Variants in FAM178B observed in about 807,000 individuals in gnomAD.
FAM178B encodes the protein family with sequence similarity 178 member B.
In FAM178B, 82 loss-of-function variants were observed where a neutral mutation model predicts 91.7. The ratio of observed to expected loss-of-function variants is 0.89; its 90% CI spans 0.75 to 1.07. FAM178B has a LOEUF of 1.07. FAM178B is among the 50% of genes least tolerant of loss of function. The pLI is 0.00. For missense variants in FAM178B, 769 were observed against 846.7 expected (o/e 0.91, Z 1.14); for synonymous variants, 368 against 359.4 (o/e 1.02, Z -0.27).
Position 96,929,209 on chromosome 2 carries a change from C to A in FAM178B, c.1190G>T (p.Gly397Val), listed in dbSNP as rs1157976761. Residue 397 changes from glycine (G) to valine (V), a missense_variant, in exon 9 of 17, where the codon GGC becomes GTC. Gly to Val is a moderately radical substitution (Grantham distance 109). Coordinates refer to ENST00000490605, the MANE Select transcript of FAM178B (RefSeq NM_001122646.3). ...LYPLGPFWHG[G>V]RVLPGEAGLN... ...GTGAGGAAGCAGAAGTACTCACCTGCCACCGTGCCAAAAGGGCCCCAGAGG... is the reference window on the plus strand; with the variant it reads ...GTGAGGAAGCAGAAGTACTCACCTGACACCGTGCCAAAAGGGCCCCAGAGG... 2 of 1,548,950 alleles carry A rather than the reference C, an allele frequency of 1.3e-6. No homozygotes were observed. The highest frequency in any genetic ancestry group is 2.7e-5 in the African/African-American group (2 of 72,968).
intron 7 of FAM178B, chr2:96,949,930 A>G (rs2081896164): frequency 1.0e-6 from 1 of 962,386 alleles, no homozygotes. Flanking sequence ...ACCTGTCTGT[A>G]GCGACACAGG....
chr2:96,879,456 G>A (rs2080326335), intron 14 of FAM178B, among the ~76,000 whole-genome samples: 1 of 152,248 alleles, frequency 6.6e-6, no homozygotes, highest in African/African-American at 2.4e-5. Context: ...CAGTGCCCCA[G>A]CAATGGCTGC....
chr2:96,913,675 G>C (rs1349249989), intron 12 of FAM178B, among the ~76,000 whole-genome samples: 1 of 152,238 alleles, frequency 6.6e-6, no homozygotes, highest in Non-Finnish European at 1.5e-5. Context: ...TGGCCACACA[G>C]AACCTGCTTG....
chr2:96,926,872 G>C (rs1332229257), intron 9 of FAM178B, among the ~76,000 whole-genome samples: 1 of 152,224 alleles, frequency 6.6e-6, no homozygotes, highest in Non-Finnish European at 1.5e-5. Flanking sequence ...ACAGATGTCT[G>C]AGGCCCTCAT....
chr2:96,914,163 G>A (rs762152394), intron 12 of FAM178B, among the ~76,000 whole-genome samples: 9 of 152,254 alleles, frequency 5.9e-5, no homozygotes, highest in Non-Finnish European at 1.3e-4. Flanking sequence ...CATGGGGAGG[G>A]CTGGTCATAG....
intron 14 of FAM178B, among the ~76,000 whole-genome samples, chr2:96,886,910 T>A (rs2153367873): frequency 1.3e-5 from 2 of 152,182 alleles, no homozygotes; most frequent in South Asian, 4.1e-4. Flanking sequence ...CAAACCTGGC[T>A]CATTTTTAAA....
At chr2:96,906,948 C>A (rs924088946) in intron 12 of FAM178B, among the ~76,000 whole-genome samples, 2 of 152,178 alleles carry the variant, frequency 1.3e-5, no homozygotes, top group African/African-American at 4.8e-5. Context: ...TTACTCACAG[C>A]GGGCGAGGAG....
rs1395142099 is a variant in FAM178B, at chr2:96,921,562, G to A, written c.1380C>T (p.Asp460=). The A allele has an allele frequency of 2.2e-5, 34 of 1,551,604 alleles. No homozygotes were observed. The highest frequency in any genetic ancestry group is 2.2e-5 in the Non-Finnish European group (25 of 1,147,008). Residue 460 remains aspartate, a synonymous_variant, in exon 11 of 17, where the codon GAC becomes GAT. Coordinates refer to ENST00000490605, the MANE Select transcript of FAM178B (RefSeq NM_001122646.3). The part of the protein sequence containing the change: ...LIELLCRTSL[D]VGLRLLPKVD... Reference sequence around the variant, plus strand: ...CTTTGGGCAGCAGGCGGAGCCCCACGTCCAGGCTGGTGCGGCACAGCAGCT... The same window carrying A: ...CTTTGGGCAGCAGGCGGAGCCCCACATCCAGGCTGGTGCGGCACAGCAGCT...
Position 96,942,402 on chromosome 2 carries a change from A to G in FAM178B, c.1078+5416T>C, listed in dbSNP as rs571475323. Among the ~76,000 whole-genome samples, 20 of 152,024 alleles carry G rather than the reference A, an allele frequency of 1.3e-4. 1 individual carries two copies. The South Asian group carries it at 4.2e-3, about 32-fold the overall frequency. On this transcript the variant is annotated intron_variant, in intron 8 of 16. Coordinates refer to ENST00000490605, the MANE Select transcript of FAM178B (RefSeq NM_001122646.3). ...GAAAGGACCCCAAACAGCCAAAACAATTTTTTTTCAGACGGAGTCTCGCTC... is the reference window on the plus strand; with the variant it reads ...GAAAGGACCCCAAACAGCCAAAACAGTTTTTTTTCAGACGGAGTCTCGCTC...
chr2:96,878,279 G>A (rs62152871), intron 15 of FAM178B, 137 bp downstream of exon 15: 80,860 of 901,268 alleles, frequency 0.09, 3,912 homozygotes, highest in Middle Eastern at 0.15. Flanking sequence ...GCTCTCCCAC[G>A]CTGGCTTCCC....
intron 2 of FAM178B, 75 bp from the exon 3 acceptor site, chr2:96,972,397 G>C: frequency 6.8e-7 from 1 of 1,480,344 alleles, no homozygotes. Context: ...CACTGGGTAA[G>C]GAGAGCAGCA....
At chr2:96,923,980 G>C (rs2081390939) in intron 9 of FAM178B, among the ~76,000 whole-genome samples, 1 of 152,254 alleles carries the variant, frequency 6.6e-6, no homozygotes, top group Non-Finnish European at 1.5e-5. Context: ...GCCCAAGACA[G>C]AGCCACAACC....
intron 8 of FAM178B, among the ~76,000 whole-genome samples, chr2:96,940,284 T>G (rs183237350): frequency 6.6e-6 from 1 of 152,056 alleles, no homozygotes; most frequent in African/African-American, 2.4e-5. Context: ...TCCACACATA[T>G]GGGCAGCTGC....
chr2:96,967,229 T>C (rs1458250228), intron 5 of FAM178B, among the ~76,000 whole-genome samples: 10 of 49,502 alleles, frequency 2.0e-4, no homozygotes, highest in African/African-American at 7.4e-4. Context: ...GTGTAGTTAT[T>C]TTCCCGAGAT....
Position 96,953,805 on chromosome 2 carries a change from C to A in FAM178B, c.888-2321G>T, listed in dbSNP as rs113060722. On this transcript the variant is annotated intron_variant, in intron 6 of 16. Coordinates refer to ENST00000490605, the MANE Select transcript of FAM178B (RefSeq NM_001122646.3). ...TGGCTCAGCCACAAGCCCTTCCACG[C>A]CCTTCAGGTTATCACAGGGTGACCT... Among the ~76,000 whole-genome samples the A allele has an allele frequency of 3.3e-5, 5 of 152,302 alleles. No individual in the cohort carries two copies. The South Asian group carries it at 1.0e-3, about 32-fold the overall frequency.
chr2:96,899,761 C>A (rs1417798075), intron 13 of FAM178B, among the ~76,000 whole-genome samples: 1 of 151,798 alleles, frequency 6.6e-6, no homozygotes, highest in Non-Finnish European at 1.5e-5. Flanking sequence ...GTAAAGAACT[C>A]CAGGGCTCAA....
Position 96,947,804 on chromosome 2 carries a change from A to T in FAM178B, c.1078+14T>A. ...CTCAGTGCGCCAATCTCCACCCTGC[A>T]TCCCAGTACTGACCAGGCTGAAGGA... is the stretch of plus-strand genomic sequence containing the variant. On this transcript the variant is annotated intron_variant, in intron 8 of 16. Transcript: ENST00000490605. The T allele has an allele frequency of 6.8e-7, 1 of 1,479,220 alleles. No homozygotes were observed. The highest frequency in any genetic ancestry group is 9.2e-7 in the Non-Finnish European group (1 of 1,085,190). 91.6% of individuals were successfully genotyped at this position (1,479,220 alleles called of 1,614,324 possible). A position where few individuals can be genotyped will look rare whatever the true frequency, so the allele number is the denominator to read the frequency against.
At chr2:96,951,679 T>G in intron 6 of FAM178B, 195 bp from the exon 7 acceptor site, 1 of 562,126 alleles carries the variant, frequency 1.8e-6, no homozygotes, top group South Asian at 2.0e-5. Context: ...AGCATCAGAA[T>G]CACCTGCTCT....
At chr2:96,936,484 G>A (rs1028474103) in intron 8 of FAM178B, among the ~76,000 whole-genome samples, 1 of 149,298 alleles carries the variant, frequency 6.7e-6, no homozygotes, top group East Asian at 2.0e-4. Context: ...ACAGGCGTGA[G>A]CCACCACGCC....
Sources: allele counts gnomAD v4.1 joint callset (sites outside exome capture counted in the v4.1 genomes callset), GRCh38; gene constraint gnomAD v4.1.1; transcripts MANE v1.5; gene names NCBI Gene and HGNC (gene_info 2026-07-23, HGNC 2026-07-21).